The following STK33 variants were observed in gnomAD, a reference collection of about 807,000 sequenced individuals.
STK33 encodes the protein serine/threonine-protein kinase 33.
Under a neutral mutation model 58.0 loss-of-function variants are expected in STK33, and 52 were observed. That is an observed-to-expected ratio of 0.90 (90% CI 0.72 to 1.13). STK33 has a LOEUF of 1.13. Ranked by LOEUF, STK33 falls within the 50% of genes most tolerant of loss-of-function variation. The pLI is 0.00. For missense variants in STK33, 630 were observed against 604.2 expected, an observed-to-expected ratio of 1.04 and a Z score of -0.45; for synonymous variants, 215 against 200.1, an observed-to-expected ratio of 1.07 and a Z score of -0.63.
intron 1 of STK33, among the ~76,000 whole-genome samples, chr11:8,573,209 T>C (rs76451752): frequency 0.013 from 1,962 of 152,306 alleles, 46 homozygotes; most frequent in African/African-American, 0.045. Flanking sequence ...GACAAAGAAT[T>C]TGTATCTAAA....
At chr11:8,512,268 A>C (rs191217598) in intron 1 of STK33, among the ~76,000 whole-genome samples, 1 of 152,240 alleles carries the variant, frequency 6.6e-6, no homozygotes, top group East Asian at 1.9e-4. Flanking sequence ...CATAGTTTGT[A>C]TTTATTGGGC....
At chr11:8,491,794 C>G (rs1007889390) in intron 1 of STK33, among the ~76,000 whole-genome samples, 3 of 152,200 alleles carry the variant, frequency 2.0e-5, no homozygotes, top group African/African-American at 7.2e-5. Context: ...CAATATTCAA[C>G]ATTCTTAAAG....
chr11:8,539,413 G>A (rs1043881544), intron 1 of STK33, among the ~76,000 whole-genome samples: 3 of 152,096 alleles, frequency 2.0e-5, no homozygotes, highest in African/African-American at 7.2e-5. Context: ...AAGAATCAGT[G>A]TATCAGTGAA....
the STK33 span, among the ~76,000 whole-genome samples, chr11:8,359,196 T>C: frequency 6.6e-6 from 1 of 152,192 alleles, no homozygotes; most frequent in Non-Finnish European, 1.5e-5. Flanking sequence ...TGGGTCCTTT[T>C]GCTCTAAAGG....
chr11:8,397,633 A>AG, intron 15 of STK33, among the ~76,000 whole-genome samples: 1 of 152,340 alleles, frequency 6.6e-6, no homozygotes, highest in Middle Eastern at 3.4e-3. Context: ...ACGAGTTGAG[A>AG]AAGAAGGCTT....
the STK33 span, among the ~76,000 whole-genome samples, chr11:8,357,498 G>A: frequency 2.6e-5 from 4 of 152,244 alleles, no homozygotes; most frequent in African/African-American, 9.6e-5. Flanking sequence ...CATGTCTGTC[G>A]GGAAGAGGAG....
chr11:8,406,766 ACATGT>A (rs1234741356), intron 15 of STK33, among the ~76,000 whole-genome samples: 1 of 152,228 alleles, frequency 6.6e-6, no homozygotes, highest in East Asian at 1.9e-4. Context: ...ATGTATACAA[ACATGT>A]CATCTGCAAG....
intron 7 of STK33, among the ~76,000 whole-genome samples, chr11:8,463,382 A>T (rs952212189): frequency 2.0e-5 from 3 of 152,156 alleles, no homozygotes; most frequent in African/African-American, 4.8e-5. Flanking sequence ...CTCCTATGAG[A>T]ATCTAATGCC....
At chr11:8,568,507 C>T (rs966312111) in intron 1 of STK33, among the ~76,000 whole-genome samples, 10 of 152,148 alleles carry the variant, frequency 6.6e-5, no homozygotes, top group South Asian at 2.1e-4. Flanking sequence ...ACATAATTCG[C>T]TCTGCTATTA....
At chr11:8,539,726 T>C (rs1955355820) in intron 1 of STK33, among the ~76,000 whole-genome samples, 1 of 152,156 alleles carries the variant, frequency 6.6e-6, no homozygotes, top group African/African-American at 2.4e-5. Context: ...AAGATAGACA[T>C]ATGATTTATT....
intron 1 of STK33, among the ~76,000 whole-genome samples, chr11:8,541,487 T>C (rs912967869): frequency 3.9e-5 from 6 of 152,180 alleles, no homozygotes; most frequent in Non-Finnish European, 7.4e-5. Flanking sequence ...AGAAACTCTT[T>C]AGGCAATGCC....
intron 1 of STK33, among the ~76,000 whole-genome samples, chr11:8,513,178 A>T (rs1209095549): frequency 6.6e-6 from 1 of 152,172 alleles, no homozygotes; most frequent in African/African-American, 2.4e-5. Context: ...GCCATCATGG[A>T]GAGCGTGTGG....
In STK33 at chr11:8,392,652, C is replaced by A; in HGVS notation, c.1403G>T (p.Ser468Ile). 1 of 1,614,222 alleles carries A rather than the reference C, an allele frequency of 6.2e-7. No individual in the cohort carries two copies. Among genetic ancestry groups the A allele is most frequent in the Non-Finnish European group, 8.5e-7 (1 of 1,180,050 alleles). The change falls in exon 16 of 16, where the codon AGT (serine) becomes ATT (isoleucine). Residue 468 changes from serine to isoleucine, a missense_variant. Ser to Ile is a moderately radical substitution (Grantham distance 142). Coordinates refer to ENST00000687296, the MANE Select transcript of STK33 (RefSeq NM_001352389.2). The stretch of plus-strand genomic sequence containing the variant: ...GAGTTTGCTAGATGTGAAACTTGAA[C>A]TGCACATATCAAAGTTGTCCTTACT... The part of the protein sequence containing the change: ...ATSKDNFDMC[S>I]SSFTSSKLLP...
At chr11:8,531,324 G>A (rs781301113) in intron 1 of STK33, among the ~76,000 whole-genome samples, 6 of 152,300 alleles carry the variant, frequency 3.9e-5, no homozygotes, top group Middle Eastern at 3.4e-3. Flanking sequence ...GCAATTTTGC[G>A]TGCTATTTAC....
intron 1 of STK33, among the ~76,000 whole-genome samples, chr11:8,509,442 G>A (rs182290754): frequency 3.9e-4 from 60 of 152,236 alleles, no homozygotes; most frequent in Admixed American, 1.0e-3. Flanking sequence ...CTTATTAAAC[G>A]TTTTCCAGCA....
rs563223569 is a variant in STK33 at position 8,497,343 on chromosome 11, A to G, written c.-465-16729T>C. ...AAAAACAAAATCAAAGAGAACCTTG[A>G]AAGCAGTGAGAGAGAAGCAACTTAT... is the stretch of plus-strand genomic sequence containing the variant. On this transcript the variant is annotated intron_variant, in intron 1 of 15. Transcript: ENST00000687296. Among the ~76,000 whole-genome samples, 3 of 152,356 alleles carry G rather than the reference A, an allele frequency of 2.0e-5. No homozygotes were observed. The East Asian group carries it at 5.8e-4, about 29-fold the overall frequency.
Position 8,403,884 on chromosome 11 carries a change from C to A in STK33, c.1344+9611G>T, listed in dbSNP as rs1938594369. On this transcript the variant is annotated intron_variant, in intron 15 of 15. Transcript: ENST00000687296. ...CAAAACCTGTAAGCTCTAGGCATATCCCTGCCAGTTAATACCAGTGCATGA... is the reference window on the plus strand; with the variant it reads ...CAAAACCTGTAAGCTCTAGGCATATACCTGCCAGTTAATACCAGTGCATGA... Among the ~76,000 whole-genome samples the A allele has an allele frequency of 3.3e-5, 5 of 152,166 alleles. No homozygotes were observed. In the South Asian group the frequency reaches 1.0e-3, roughly 32 times the overall value.
the STK33 span, among the ~76,000 whole-genome samples, chr11:8,353,967 G>C: frequency 1.3e-5 from 2 of 152,120 alleles, no homozygotes; most frequent in Non-Finnish European, 2.9e-5. Flanking sequence ...TTAGAGCCTG[G>C]GGACAAGGGT....
chr11:8,487,120 A>G (rs1246211436), intron 1 of STK33, among the ~76,000 whole-genome samples: 1 of 152,096 alleles, frequency 6.6e-6, no homozygotes, highest in Non-Finnish European at 1.5e-5. Flanking sequence ...AGAAAACATG[A>G]ATTTAAGAGT....
Sources: gnomAD v4.1 joint callset for allele counts (sites outside exome capture counted in the v4.1 genomes callset) on GRCh38, gnomAD v4.1.1 for gene constraint, MANE v1.5 for transcripts, NCBI Gene and HGNC (gene_info 2026-07-23, HGNC 2026-07-21) for gene names.